Variants in DMXL2 observed in about 807,000 individuals in gnomAD.
DMXL2 encodes dmX-like protein 2.
DMXL2 carries 103 observed loss-of-function variants against 331.1 expected under a neutral mutation model. That is an observed-to-expected ratio of 0.31 (90% CI 0.27 to 0.37). The LOEUF (loss-of-function observed/expected upper bound fraction) is 0.37. Among genes scored for constraint, DMXL2 ranks in the 10% least tolerant of loss-of-function variants. The probability of loss-of-function intolerance (pLI) is 1.00; values close to 1 mark genes in which losing one functional copy is unlikely to be tolerated. For missense variants in DMXL2, 3,171 were observed against 3,642.9 expected (o/e 0.87, Z 3.33); for synonymous variants, 1,281 against 1,252.1 (o/e 1.02, Z -0.49).
chr15:51,506,697 C>T (rs1006296503), intron 16 of DMXL2, among the ~76,000 whole-genome samples: 1 of 152,126 alleles, frequency 6.6e-6, no homozygotes, highest in Non-Finnish European at 1.5e-5. Flanking sequence ...TCGTGATCCG[C>T]CCACCTCGGC....
intron 2 of DMXL2, among the ~76,000 whole-genome samples, chr15:51,569,781 TCAACATCAC>T (rs2141085952): frequency 6.6e-6 from 1 of 151,916 alleles, no homozygotes; most frequent in Non-Finnish European, 1.5e-5. Context: ...AGGAATACTA[TCAACATCAC>T]CAACATTAAA....
intron 6 of DMXL2, among the ~76,000 whole-genome samples, chr15:51,551,054 C>T (rs2140964970): frequency 6.6e-6 from 1 of 151,972 alleles, no homozygotes; most frequent in Non-Finnish European, 1.5e-5. Context: ...TCCACAGTGA[C>T]CATCTGTTTT....
rs537798805 is a variant in DMXL2, at chr15:51,449,041, T to C, written c.9120A>G (p.Lys3040=). The change falls in exon 44 of 44, where the codon AAA becomes AAG. Residue 3040 remains lysine, a synonymous_variant. Transcript: ENST00000560891. ...LFSCGADGTL[K]TRVLPNAFNI... The stretch of plus-strand genomic sequence containing the variant: ...TAAAAGCATTGGGCAAAACCCTGGT[T>C]TTCAGCGTGCCATCTGCACCACAGG... 2.9e-5 allele frequency: 47 copies of C among 1,614,162 alleles called. No homozygotes were observed. The South Asian group carries it at 4.9e-4, about 17-fold the overall frequency.
chr15:51,499,954 G>A lies in DMXL2; in HGVS notation c.3270C>T (p.Ile1090=), dbSNP rs1567034222. The A allele has an allele frequency of 1.2e-6, 2 of 1,613,974 alleles. No homozygotes were observed. The highest frequency in any genetic ancestry group is 3.3e-5 in the Admixed American group (2 of 59,990). The change falls in exon 18 of 44, where the codon ATC becomes ATT. Residue 1090 remains isoleucine, a synonymous_variant. Coordinates refer to ENST00000560891, the MANE Select transcript of DMXL2 (RefSeq NM_001378457.1). ...GRLAVAYKQP[I]HHNGFVSKEF... The stretch of plus-strand genomic sequence containing the variant: ...CTTTAGAAACAAAACCATTATGGTG[G>A]ATAGGCTGCTTATAAGCCACTGCAA...
intron 41 of DMXL2, chr15:51,453,276 G>A (rs2039317668): frequency 8.1e-6 from 2 of 246,862 alleles, no homozygotes; most frequent in African/African-American, 4.6e-5. Context: ...AATATCAGAT[G>A]CCTGTTAGTC....
In DMXL2 at chr15:51,517,058, A is replaced by G. The variant is rs760738379; in HGVS notation, c.2526+20T>C. Reference sequence around the variant, plus strand: ...GGGATAAAGTATACGAATATCACCAATTCACAAGCATGTTTTTACTTGGTT... The same window carrying G: ...GGGATAAAGTATACGAATATCACCAGTTCACAAGCATGTTTTTACTTGGTT... On this transcript the variant is annotated intron_variant, in intron 14 of 43. Coordinates refer to ENST00000560891, the MANE Select transcript of DMXL2 (RefSeq NM_001378457.1). 6.3e-6 allele frequency: 10 copies of G among 1,597,800 alleles called. No individual in the cohort carries two copies. In the East Asian group the frequency reaches 1.8e-4, roughly 29 times the overall value.
Position 51,499,677 on chromosome 15 carries a change from G to A in DMXL2, c.3547C>T (p.Leu1183Phe), listed in dbSNP as rs2043444548. Residue 1183 changes from leucine (L) to phenylalanine (F), a missense_variant, in exon 18 of 44, where the codon CTT becomes TTT. Around this residue, in one of 7 missense-constraint regions of DMXL2, gnomAD observed 1,674 missense variants for 1,780.2 expected, o/e 0.94. Coordinates refer to ENST00000560891, the MANE Select transcript of DMXL2 (RefSeq NM_001378457.1). ...WVSKEDGSHI[L>F]TVGVGANIFM... ...ATATTCGCACCGACTCCCACTGTAA[G>A]AATGTGGGAGCCATCTTCTTTTGAT... 2 of 1,613,956 alleles carry A rather than the reference G, an allele frequency of 1.2e-6. No homozygotes were observed. The highest frequency in any genetic ancestry group is 1.7e-6 in the Non-Finnish European group (2 of 1,179,966).
intron 29 of DMXL2, among the ~76,000 whole-genome samples, chr15:51,467,811 C>T (rs1339027767): frequency 6.6e-6 from 1 of 151,642 alleles, no homozygotes; most frequent in African/African-American, 2.4e-5. Flanking sequence ...ACTGCAAGCT[C>T]CGCCTCCCGG....
In DMXL2 at chr15:51,499,882, T is replaced by C; in HGVS notation, c.3342A>G (p.Gly1114=). 1 of 1,614,144 alleles carries C rather than the reference T, an allele frequency of 6.2e-7. No individual in the cohort carries two copies. Among genetic ancestry groups the C allele is most frequent in the Non-Finnish European group, 8.5e-7 (1 of 1,179,992 alleles). ...VCIFECESTG[G]SEWVLEQTIH... ...TTGTTTGTTCTAAAACCCACTCTGATCCTCCTGTAGATTCACATTCAAATA... is the reference window on the plus strand; with the variant it reads ...TTGTTTGTTCTAAAACCCACTCTGACCCTCCTGTAGATTCACATTCAAATA... The change falls in exon 18 of 44, where the codon GGA becomes GGG. Residue 1114 remains glycine (G), a synonymous_variant. Transcript: ENST00000560891.
intron 1 of DMXL2, among the ~76,000 whole-genome samples, chr15:51,596,881 T>C (rs2052852636): frequency 1.3e-5 from 2 of 151,390 alleles, no homozygotes; most frequent in South Asian, 2.1e-4. Context: ...TAAGAACACA[T>C]GGACACAGGA....
intron 15 of DMXL2, 106 bp from the exon 16 acceptor site, chr15:51,507,359 A>G: frequency 9.4e-7 from 1 of 1,064,846 alleles, no homozygotes; most frequent in Non-Finnish European, 1.3e-6. Context: ...GAAGTTGGGA[A>G]GAAAAGGCAA....
At chr15:51,490,466 T>G (rs2042713864) in intron 20 of DMXL2, among the ~76,000 whole-genome samples, 1 of 152,244 alleles carries the variant, frequency 6.6e-6, no homozygotes, top group African/African-American at 2.4e-5. Context: ...TACCACTGAT[T>G]GTACTCCAGG....
At chr15:51,519,841 C>T (rs2047253916) in intron 13 of DMXL2, among the ~76,000 whole-genome samples, 1 of 151,946 alleles carries the variant, frequency 6.6e-6, no homozygotes, top group Non-Finnish European at 1.5e-5. Flanking sequence ...CAGGGTTTCA[C>T]CATGTTGGCC....
At chr15:51,607,022 G>T (rs893344912) in intron 1 of DMXL2, among the ~76,000 whole-genome samples, 3 of 152,188 alleles carry the variant, frequency 2.0e-5, no homozygotes, top group Non-Finnish European at 4.4e-5. Context: ...GCTAGGCATG[G>T]TGATGGATGC....
chr15:51,615,399 AT>A (rs1316382152), intron 1 of DMXL2, among the ~76,000 whole-genome samples: 1 of 152,200 alleles, frequency 6.6e-6, no homozygotes, highest in Non-Finnish European at 1.5e-5. Context: ...TAAGGTACAA[AT>A]CAGGGTTTGT....
chr15:51,592,721 T>G (rs540906582), intron 1 of DMXL2, among the ~76,000 whole-genome samples: 6 of 152,324 alleles, frequency 3.9e-5, no homozygotes, highest in Admixed American at 2.6e-4. Flanking sequence ...TCTCTCGGCA[T>G]AAACTCTACA....
rs181259415 is a variant in DMXL2, at chr15:51,530,847, A to G, written c.2436+4816T>C. ...CATGAAAGAAGTGAAAGATCTCTAT[A>G]ATGAAAACTGTAAAACACTGATGAA... is the stretch of plus-strand genomic sequence containing the variant. On this transcript the variant is annotated intron_variant, in intron 13 of 43. Transcript: ENST00000560891. Among the ~76,000 whole-genome samples the G allele has an allele frequency of 3.3e-5, 5 of 152,328 alleles. No homozygotes were observed. The East Asian group carries it at 7.7e-4, about 23-fold the overall frequency.
chr15:51,602,285 C>T (rs1051512267), intron 1 of DMXL2, among the ~76,000 whole-genome samples: 1 of 152,092 alleles, frequency 6.6e-6, no homozygotes, highest in African/African-American at 2.4e-5. Context: ...GGAAAGGAGA[C>T]TCTTAATGTT....
At chr15:51,456,002 C>A in intron 39 of DMXL2, 64 bp downstream of exon 39, 1 of 1,576,976 alleles carries the variant, frequency 6.3e-7, no homozygotes, top group Non-Finnish European at 8.7e-7. Flanking sequence ...GCACTTTTAT[C>A]ACTTACTCCT....
Sources: gnomAD v4.1 joint callset for allele counts (sites outside exome capture counted in the v4.1 genomes callset) on GRCh38, gnomAD v4.1.1 for gene constraint, gnomAD v4.1.1 regional missense constraint, MANE v1.5 for transcripts, NCBI Gene and HGNC (gene_info 2026-07-23, HGNC 2026-07-21) for gene names.